Variants in LFNG observed in about 807,000 individuals in gnomAD.
LFNG encodes LFNG O-fucosylpeptide 3-beta-N-acetylglucosaminyltransferase.
A neutral mutation model predicts 32.7 loss-of-function variants in LFNG; 15 were observed. The observed-to-expected ratio is 0.46, with a 90% CI of 0.31 to 0.71. The LOEUF (loss-of-function observed/expected upper bound fraction) is 0.71. LFNG is among the 30% of genes least tolerant of loss of function. LFNG has a pLI of 0.06. For missense variants in LFNG, 520 were observed against 545.7 expected (o/e 0.95, Z 0.47); for synonymous variants, 274 against 246.8 (o/e 1.11, Z -1.03).
chr7:2,525,626 G>T (rs1314951564), intron 4 of LFNG, 59 bp downstream of exon 4: 2 of 1,611,020 alleles, frequency 1.2e-6, no homozygotes, highest in African/African-American at 2.7e-5. Flanking sequence ...CCGGAGTGGG[G>T]GTGGGACCGT....
In LFNG at chr7:2,526,543, G is replaced by T; in HGVS notation, c.987+134G>T. 2 of 986,178 alleles carry T rather than the reference G, an allele frequency of 2.0e-6. No homozygotes were observed. The highest frequency in any genetic ancestry group is 2.6e-5 in the East Asian group (1 of 38,870). 61.1% of individuals were successfully genotyped at this position (986,178 alleles called of 1,614,324 possible). A position where few individuals can be genotyped will look rare whatever the true frequency, so the allele number is the denominator to read the frequency against. On this transcript the variant is annotated intron_variant, in intron 6 of 7. Coordinates refer to ENST00000222725, the MANE Select transcript of LFNG (RefSeq NM_001040167.2). The surrounding 1 kb of genome is among the most constrained non-coding windows in gnomAD (Gnocchi z 6.9). Reference sequence around the variant, plus strand: ...GCAGCACTCCACTGTCAGCCAGGGGGGGTCACTCCTGCCATGAGCTCAAAG... The same window carrying T: ...GCAGCACTCCACTGTCAGCCAGGGGTGGTCACTCCTGCCATGAGCTCAAAG...
chr7:2,522,232 G>A (rs1209762143), intron 1 of LFNG, among the ~76,000 whole-genome samples: 1 of 152,242 alleles, frequency 6.6e-6, no homozygotes, highest in Non-Finnish European at 1.5e-5. Context: ...TCCTGGAGGA[G>A]GCGCCATTTG....
At chr7:2,517,976 G>A (rs1411782965), upstream of LFNG, 1 of 1,052,390 alleles carries the variant, frequency 9.5e-7, no homozygotes, top group East Asian at 7.8e-5. Flanking sequence ...TGGGGGTGGA[G>A]GCTGCCCAAG....
At chr7:2,518,018 A>C (rs1779670939), upstream of LFNG, 1 of 716,088 alleles carries the variant, frequency 1.4e-6, no homozygotes, top group Non-Finnish European at 1.8e-6. Flanking sequence ...GGGATGGATG[A>C]GGCTCCGTCT....
chr7:2,527,502 A>C lies in LFNG; in HGVS notation c.*290A>C. On this transcript the variant is annotated 3_prime_UTR_variant, in exon 8 of 8. Transcript: ENST00000222725. This position sits in a 1 kb window ranked among gnomAD's most constrained non-coding sequence, Gnocchi z 4.4. ...GATTTGTGTGTCGGAGGCCACTCCG[A>C]GGGCAATTCTGTTAGGATTTTTGGA... 1 of 1,363,740 alleles carries C rather than the reference A, an allele frequency of 7.3e-7. No homozygotes were observed. Among genetic ancestry groups the C allele is most frequent in the Non-Finnish European group, 9.5e-7 (1 of 1,053,150 alleles). 84.5% of individuals were successfully genotyped at this position (1,363,740 alleles called of 1,614,324 possible).
chr7:2,515,099 T>C (rs1389401288), upstream of LFNG, among the ~76,000 whole-genome samples: 3 of 149,446 alleles, frequency 2.0e-5, no homozygotes, highest in African/African-American at 7.4e-5. Context: ...TCCATCCGTC[T>C]GTCTGTCTGC....
intron 2 of LFNG, 147 bp downstream of exon 2, chr7:2,524,890 C>A: frequency 1.3e-6 from 1 of 749,760 alleles, no homozygotes; most frequent in Non-Finnish European, 2.3e-6. Flanking sequence ...GCTCCATGCC[C>A]CGCCCCACCA....
At chr7:2,525,837 G>A in intron 5 of LFNG, 67 bp downstream of exon 5, 1 of 1,398,940 alleles carries the variant, frequency 7.1e-7, no homozygotes, top group Admixed American at 1.8e-5. Context: ...GCCTGGCTTA[G>A]TTCATCTTCC....
upstream of LFNG, among the ~76,000 whole-genome samples, chr7:2,517,405 C>T (rs1779654824): frequency 6.6e-6 from 1 of 152,212 alleles, no homozygotes; most frequent in South Asian, 2.1e-4. Flanking sequence ...GGGAACCCCC[C>T]CTACCCAGTT....
chr7:2,525,149 G>GCGTC, intron 2 of LFNG, 70 bp from the exon 3 acceptor site: 1 of 1,367,412 alleles, frequency 7.3e-7, no homozygotes, highest in Non-Finnish European at 1.0e-6. Flanking sequence ...GGGCCCTGTG[G>GCGTC]CGTCCCCCAG....
At position 2,519,915 on chromosome 7, in the gene LFNG, C is replaced by T. The variant is rs1432085641; in HGVS notation, c.54C>T (p.Leu18=). 4 of 1,085,840 alleles carry T rather than the reference C, an allele frequency of 3.7e-6. No homozygotes were observed. Among genetic ancestry groups the T allele is most frequent in the Non-Finnish European group, 4.5e-6 (4 of 890,312 alleles). The allele number at this position is 1,085,840 out of a possible 1,614,324, so 67.3% of individuals were successfully genotyped here. A position where few individuals can be genotyped will look rare whatever the true frequency, so the allele number is the denominator to read the frequency against. ...TGCTGGCGCTGGCGGGCGCGCTGCT[C>T]GCCTGCCTGCTGGTGCTCACCGCCG... The part of the protein sequence containing the change: ...RLLLALAGAL[L]ACLLVLTADP... The change falls in exon 1 of 8, where the codon CTC becomes CTT. Residue 18 remains leucine (L), a synonymous_variant. Transcript: ENST00000222725.
At chr7:2,521,850 G>A (rs1183833454) in intron 1 of LFNG, among the ~76,000 whole-genome samples, 2 of 152,208 alleles carry the variant, frequency 1.3e-5, no homozygotes, top group South Asian at 4.1e-4. Flanking sequence ...GTAAGAGACT[G>A]GCAAAGCCTG....
Position 2,526,121 on chromosome 7 carries a change from C to T in LFNG, c.822-123C>T. 1 of 1,020,348 alleles carries T rather than the reference C, an allele frequency of 9.8e-7. No individual in the cohort carries two copies. Among genetic ancestry groups the T allele is most frequent in the Non-Finnish European group, 1.5e-6 (1 of 688,420 alleles). The allele number at this position is 1,020,348 out of a possible 1,614,324, so 63.2% of individuals were successfully genotyped here. The stretch of plus-strand genomic sequence containing the variant: ...CAGGGGAGGCAGAGGGAGCTGCAGC[C>T]CAGAGCTCTCCTCAGGGCTCCTCTC... On this transcript the variant is annotated intron_variant, in intron 5 of 7. Coordinates refer to ENST00000222725, the MANE Select transcript of LFNG (RefSeq NM_001040167.2). The surrounding 1 kb of genome is among the most constrained non-coding windows in gnomAD (Gnocchi z 6.9).
rs71026526 is a variant in LFNG, at chr7:2,527,320, CTGTGCG to C, written c.*125_*130del. On this transcript the variant is annotated 3_prime_UTR_variant, in exon 8 of 8. Transcript: ENST00000222725. The surrounding 1 kb of genome is among the most constrained non-coding windows in gnomAD (Gnocchi z 4.4). ...ATTCGAGGCTCCCCTAGGGCCGTGC[CTGTGCG>C]TGTGCGTGTGCGTGTGTGTGTGTGT... is the stretch of plus-strand genomic sequence containing the variant. 8.1e-4 allele frequency: 1,223 copies of C among 1,512,082 alleles called. 3 individuals are homozygous for C. Among genetic ancestry groups the C allele is most frequent in the South Asian group, 3.8e-3 (319 of 83,232 alleles). 93.7% of individuals were successfully genotyped at this position (1,512,082 alleles called of 1,614,324 possible). A position where few individuals can be genotyped will look rare whatever the true frequency, so the allele number is the denominator to read the frequency against.
At chr7:2,513,957 C>A (rs1202269512), upstream of LFNG, among the ~76,000 whole-genome samples, 16 of 152,376 alleles carry the variant, frequency 1.1e-4, no homozygotes, top group African/African-American at 3.6e-4. Context: ...GGCTGAGGCC[C>A]CTTGCTGTTC....
intron 1 of LFNG, among the ~76,000 whole-genome samples, chr7:2,522,890 C>A (rs11762873): frequency 1.3e-5 from 2 of 152,238 alleles, no homozygotes; most frequent in Non-Finnish European, 2.9e-5. Flanking sequence ...GAAGACGAGA[C>A]TGAGGCTCTG....
At chr7:2,519,744 T>A, upstream of LFNG, 1 of 522,958 alleles carries the variant, frequency 1.9e-6, no homozygotes, top group Non-Finnish European at 2.5e-6. Context: ...GGCGGGGAGG[T>A]TTAAGAGCGC....
chr7:2,525,528 G>T lies in LFNG; in HGVS notation c.696G>T (p.Arg232Ser). 1 of 1,612,390 alleles carries T rather than the reference G, an allele frequency of 6.2e-7. No individual in the cohort carries two copies. The highest frequency in any genetic ancestry group is 8.5e-7 in the Non-Finnish European group (1 of 1,179,838). The change falls in exon 4 of 8, where the codon AGG becomes AGT. Residue 232 changes from arginine (R) to serine (S), a missense_variant. Coordinates refer to ENST00000222725, the MANE Select transcript of LFNG (RefSeq NM_001040167.2). ...DVYVGKPSLDRPIQAMERVSE... is the reference protein window; with the variant it reads ...DVYVGKPSLDSPIQAMERVSE... ...ACGTCGGCAAGCCCAGCCTGGACAG[G>T]CCCATCCAGGCCATGGAGCGGGTCA...
rs1405255261 is a variant in LFNG, at chr7:2,520,106, C to A, written c.245C>A (p.Thr82Asn). 7.4e-6 allele frequency: 10 copies of A among 1,346,822 alleles called. No individual in the cohort carries two copies. In the Admixed American group the frequency reaches 1.7e-4, roughly 23 times the overall value. The allele number at this position is 1,346,822 out of a possible 1,614,324, so 83.4% of individuals were successfully genotyped here. A position where few individuals can be genotyped will look rare whatever the true frequency, so the allele number is the denominator to read the frequency against. Residue 82 changes from threonine (T) to asparagine (N), a missense_variant, in exon 1 of 8, where the codon ACC becomes AAC. Thr to Asn is a moderately conservative substitution (Grantham distance 65). Coordinates refer to ENST00000222725, the MANE Select transcript of LFNG (RefSeq NM_001040167.2). The surrounding 1 kb of genome is among the most constrained non-coding windows in gnomAD (Gnocchi z 5.0). Reference protein sequence around the residue: ...HSLSEYFSLLTRARRDAGPPP... With the variant: ...HSLSEYFSLLNRARRDAGPPP... The stretch of plus-strand genomic sequence containing the variant: ...CTGTCCGAGTACTTCAGCCTGCTCA[C>A]CCGCGCGCGCAGAGATGCGGGCCCG...
Sources: allele counts gnomAD v4.1 joint callset (sites outside exome capture counted in the v4.1 genomes callset), GRCh38; gene constraint gnomAD v4.1.1; non-coding constraint Gnocchi (gnomAD v3.1); transcripts MANE v1.5; gene names NCBI Gene and HGNC (gene_info 2026-07-23, HGNC 2026-07-21).